Variants in NCK1 observed in about 807,000 individuals in gnomAD.
NCK1 encodes the protein NCK adaptor protein 1.
Under a neutral mutation model 36.6 loss-of-function variants are expected in NCK1, and 19 were observed. The ratio of observed to expected loss-of-function variants is 0.52; its 90% CI spans 0.36 to 0.76. NCK1 has a LOEUF of 0.76. Among genes scored for constraint, NCK1 ranks in the 30% least tolerant of loss-of-function variants. The pLI is 0.00. For missense variants in NCK1, 358 were observed against 445.6 expected, an observed-to-expected ratio of 0.80 and a Z score of 1.77; for synonymous variants, 165 against 156.0, an observed-to-expected ratio of 1.06 and a Z score of -0.43.
At chr3:136,870,494 A>G (rs918549679) in intron 1 of NCK1, among the ~76,000 whole-genome samples, 4 of 152,036 alleles carry the variant, frequency 2.6e-5, no homozygotes, top group African/African-American at 9.7e-5. Context: ...AATATTTTAT[A>G]AATTTAATAG....
rs1940952839 is a variant in NCK1 at position 136,950,792 on chromosome 3, G to GGA, written c.*2342_*2343dup. ...ATTACAGAAGTTTTCTTCCACATGA[G>GGA]GAGAATGCTTAGTTTCAAATTTAAA... On this transcript the variant is annotated 3_prime_UTR_variant, in exon 4 of 4. Coordinates refer to ENST00000481752, the MANE Select transcript of NCK1 (RefSeq NM_001291999.2). 6.6e-6 allele frequency among the ~76,000 whole-genome samples: 1 copy of GGA among 152,122 alleles called. No homozygotes were observed.
chr3:136,923,021 A>G (rs1576979648), intron 1 of NCK1, among the ~76,000 whole-genome samples: 1 of 152,128 alleles, frequency 6.6e-6, no homozygotes, highest in South Asian at 2.1e-4. Context: ...AGGAAGTCTC[A>G]TGTGCTGCTG....
intron 3 of NCK1, chr3:136,946,799 A>T (rs534376471): frequency 7.2e-5 from 11 of 152,890 alleles, no homozygotes; most frequent in African/African-American, 2.6e-4. Context: ...TTATAACCTC[A>T]AAAAACCTAT....
At chr3:136,910,571 A>G (rs1373882048) in intron 1 of NCK1, among the ~76,000 whole-genome samples, 3 of 152,300 alleles carry the variant, frequency 2.0e-5, no homozygotes, top group South Asian at 2.1e-4. Flanking sequence ...TATAGCTTCA[A>G]ATTACTGTCT....
In NCK1 at chr3:136,946,142, A is replaced by G; in HGVS notation, c.786A>G (p.Ser262=). ...CATTAACTTCAGGTTTGGAACCATCACCTCCACAGTGTGATTACATTAGGC... is the reference window on the plus strand; with the variant it reads ...CATTAACTTCAGGTTTGGAACCATCGCCTCCACAGTGTGATTACATTAGGC... ...NNPLTSGLEP[S]PPQCDYIRPS... is the part of the protein sequence containing the mutation. Residue 262 remains serine, a synonymous_variant, in exon 3 of 4, where the codon TCA becomes TCG. Transcript: ENST00000481752. 1.2e-6 allele frequency: 2 copies of G among 1,613,656 alleles called. No homozygotes were observed. The highest frequency in any genetic ancestry group is 1.7e-5 in the Admixed American group (1 of 59,932).
intron 1 of NCK1, among the ~76,000 whole-genome samples, chr3:136,909,060 A>T (rs1939768092): frequency 6.6e-6 from 1 of 152,192 alleles, no homozygotes; most frequent in Non-Finnish European, 1.5e-5. Flanking sequence ...GTTATGTAGT[A>T]GGAAGGCCTT....
chr3:136,911,764 A>G (rs1939831850), intron 1 of NCK1, among the ~76,000 whole-genome samples: 1 of 152,004 alleles, frequency 6.6e-6, no homozygotes, highest in South Asian at 2.1e-4. Flanking sequence ...CAGAAGTTCT[A>G]GTGGTAATGA....
In NCK1 at chr3:136,887,902, A is replaced by G. The variant is rs545025122; in HGVS notation, c.-19+25549A>G. Among the ~76,000 whole-genome samples the G allele has an allele frequency of 7.3e-5, 11 of 151,674 alleles. No homozygotes were observed. The East Asian group carries it at 1.7e-3, about 24-fold the overall frequency. ...AATGTTTCGGTTCTTGTTATCTTTTATTCATCGCCTTTATTGTTTCTTTTC... is the reference window on the plus strand; with the variant it reads ...AATGTTTCGGTTCTTGTTATCTTTTGTTCATCGCCTTTATTGTTTCTTTTC... On this transcript the variant is annotated intron_variant, in intron 1 of 3. Coordinates refer to ENST00000481752, the MANE Select transcript of NCK1 (RefSeq NM_001291999.2).
In NCK1 at chr3:136,945,633, G is replaced by C. The variant is rs762687588; in HGVS notation, c.277G>C (p.Ala93Pro). Residue 93 changes from alanine (A) to proline (P), a missense_variant, in exon 3 of 4, where the codon GCT becomes CCT. Physicochemically the swap from Ala to Pro is conservative, Grantham distance 27. Transcript: ENST00000481752. ...KPSVPDSASPADDSFVDPGER... is the reference protein window; with the variant it reads ...KPSVPDSASPPDDSFVDPGER... ...TAGTGTGCCAGATTCTGCATCTCCT[G>C]CTGATGATAGTTTTGTTGACCCAGG... is the stretch of plus-strand genomic sequence containing the variant. 11 of 1,613,878 alleles carry C rather than the reference G, an allele frequency of 6.8e-6. No individual in the cohort carries two copies. The South Asian group carries it at 1.1e-4, about 16-fold the overall frequency.
intron 1 of NCK1, among the ~76,000 whole-genome samples, chr3:136,887,463 G>A (rs1939104006): frequency 6.6e-6 from 1 of 152,188 alleles, no homozygotes; most frequent in East Asian, 1.9e-4. Flanking sequence ...GGAAAGAAGT[G>A]TTTAAAAATG....
intron 3 of NCK1, chr3:136,947,034 G>A (rs1056855572): frequency 4.6e-5 from 7 of 152,020 alleles, no homozygotes; most frequent in Admixed American, 4.6e-4. Flanking sequence ...TTAAATCATG[G>A]TTAATCTTGG....
rs1396560583 is a variant in NCK1 at position 136,951,584 on chromosome 3, GTCT to G, written c.*3136_*3138del. Among the ~76,000 whole-genome samples, 3 of 152,088 alleles carry G rather than the reference GTCT, an allele frequency of 2.0e-5. No individual in the cohort carries two copies. The highest frequency in any genetic ancestry group is 1.3e-4 in the Admixed American group (2 of 15,268). On this transcript the variant is annotated 3_prime_UTR_variant, in exon 4 of 4. Coordinates refer to ENST00000481752, the MANE Select transcript of NCK1 (RefSeq NM_001291999.2). ...GAAAAAATTCAAACAGTATAATAAA[GTCT>G]TCTTTCAAGTCAAAATATAGAGACG...
chr3:136,921,321 C>G (rs1382289313), intron 1 of NCK1, among the ~76,000 whole-genome samples: 1 of 152,144 alleles, frequency 6.6e-6, no homozygotes, highest in Non-Finnish European at 1.5e-5. Flanking sequence ...CAGGAAACAA[C>G]TAGAGGACGT....
intron 1 of NCK1, among the ~76,000 whole-genome samples, chr3:136,875,957 C>G (rs1576944574): frequency 6.6e-6 from 1 of 152,194 alleles, no homozygotes; most frequent in Non-Finnish European, 1.5e-5. Context: ...AACTATCTCT[C>G]AGGCCACAGT....
At chr3:136,868,250 T>G (rs1346375323) in intron 1 of NCK1, among the ~76,000 whole-genome samples, 1 of 152,130 alleles carries the variant, frequency 6.6e-6, no homozygotes, top group Non-Finnish European at 1.5e-5. Flanking sequence ...TGATATAAAG[T>G]CTATATACAG....
intron 1 of NCK1, among the ~76,000 whole-genome samples, chr3:136,913,600 A>G (rs2108114011): frequency 6.6e-6 from 1 of 152,286 alleles, no homozygotes; most frequent in African/African-American, 2.4e-5. Flanking sequence ...AGGCTATCTC[A>G]GATCTTTTCT....
intron 2 of NCK1, among the ~76,000 whole-genome samples, chr3:136,943,185 T>C (rs911324652): frequency 1.3e-5 from 2 of 152,172 alleles, no homozygotes; most frequent in African/African-American, 4.8e-5. Flanking sequence ...AAGTTGAGTC[T>C]GACAGTATTT....
chr3:136,885,461 T>G (rs56207021), intron 1 of NCK1, among the ~76,000 whole-genome samples: 7,448 of 152,184 alleles, frequency 0.049, 616 homozygotes, highest in African/African-American at 0.17. Flanking sequence ...CATGCCACCA[T>G]GGCTGGTTAA....
intron 1 of NCK1, among the ~76,000 whole-genome samples, chr3:136,884,535 G>A (rs1939024712): frequency 6.6e-6 from 1 of 152,106 alleles, no homozygotes; most frequent in African/African-American, 2.4e-5. Flanking sequence ...CCGCTTCCTG[G>A]GTTCAGGCGA....
Sources: allele counts gnomAD v4.1 joint callset (sites outside exome capture counted in the v4.1 genomes callset), GRCh38; gene constraint gnomAD v4.1.1; transcripts MANE v1.5; gene names NCBI Gene and HGNC (gene_info 2026-07-23, HGNC 2026-07-21).